The following NHS variants were observed in gnomAD, a reference collection of about 807,000 sequenced individuals.
NHS encodes NHS actin remodeling regulator.
Under a neutral mutation model 72.5 loss-of-function variants are expected in NHS, and 5 were observed. The observed-to-expected ratio is 0.07, with a 90% CI of 0.04 to 0.14. The LOEUF is 0.14. Among genes scored for constraint, NHS ranks in the 10% least tolerant of loss-of-function variants. The probability of loss-of-function intolerance (pLI) is 1.00; values close to 1 mark genes in which losing one functional copy is unlikely to be tolerated. For missense variants in NHS, 1,072 were observed against 1,355.7 expected (o/e 0.79, Z 3.29); for synonymous variants, 464 against 547.7 (o/e 0.85, Z 2.13).
chrX:17,387,339 C>T (rs776488042), intron 1 of NHS, among the ~76,000 whole-genome samples: 3 of 112,048 alleles, frequency 2.7e-5, no homozygotes, highest in African/African-American at 9.7e-5. Flanking sequence ...AAACTGGACT[C>T]AATTCCAGCA....
chrX:17,439,571 G>C (rs746109900), intron 1 of NHS, among the ~76,000 whole-genome samples: 1 of 111,863 alleles, frequency 8.9e-6, no homozygotes, highest in African/African-American at 3.3e-5. Flanking sequence ...TTTGCTCAAC[G>C]TTATGTATGG....
chrX:17,442,214 A>G (rs1299164109), intron 1 of NHS, among the ~76,000 whole-genome samples: 2 of 112,645 alleles, frequency 1.8e-5, no homozygotes, highest in East Asian at 5.6e-4. Flanking sequence ...GGTGTAGCAC[A>G]GTAATATTTG....
rs1212979444 is a variant in NHS, at chrX:17,575,489, G to A, written c.566-112253G>A. ...ATTTTTCCCATCACTTCATCCTCCA[G>A]AACTCTGCTTAATGTTACCTCCTCA... On this transcript the variant is annotated intron_variant, in intron 1 of 8. Transcript: ENST00000676302. Among the ~76,000 whole-genome samples, 6 of 112,128 alleles carry A rather than the reference G, an allele frequency of 5.4e-5. 1 individual carries two copies. The highest frequency in any genetic ancestry group is 4.7e-4 in the Admixed American group (5 of 10,617).
intron 1 of NHS, among the ~76,000 whole-genome samples, chrX:17,478,199 G>A (rs2064929789): frequency 9.0e-6 from 1 of 111,365 alleles, no homozygotes; most frequent in Non-Finnish European, 1.9e-5. Context: ...TTCTCCTTGA[G>A]AACAAACACC....
At position 17,728,753 on chromosome X, in the gene NHS, G is replaced by A; in HGVS notation, c.4327G>A (p.Asp1443Asn). ...TCCAAACAAACCTCGAACAACTGAG[G>A]ATTTATTTGCAGTCATTCACAGGTG... ...VSPNKPRTTE[D>N]LFAVIHRSKR... Residue 1443 changes from aspartate (D) to asparagine (N), a missense_variant, in exon 8 of 9, where the codon GAT becomes AAT. Coordinates refer to ENST00000676302, the MANE Select transcript of NHS (RefSeq NM_001291867.2). 1 of 1,211,564 alleles carries A rather than the reference G, an allele frequency of 8.3e-7. No individual in the cohort carries two copies. Among genetic ancestry groups the A allele is most frequent in the Non-Finnish European group, 1.1e-6 (1 of 895,433 alleles).
At chrX:17,461,059 A>C (rs1217807866) in intron 1 of NHS, among the ~76,000 whole-genome samples, 2 of 112,191 alleles carry the variant, frequency 1.8e-5, no homozygotes, top group Non-Finnish European at 3.8e-5. Context: ...TTGTGCGTGG[A>C]ACTTTGCTAG....
At chrX:17,647,234 G>A (rs1014775706) in intron 1 of NHS, among the ~76,000 whole-genome samples, 1 of 112,376 alleles carries the variant, frequency 8.9e-6, no homozygotes, top group East Asian at 2.8e-4. Flanking sequence ...CAAAAGAAAC[G>A]GCTTTTGTAG....
chrX:17,723,021 T>C (rs1021247156), intron 5 of NHS, among the ~76,000 whole-genome samples: 5 of 112,015 alleles, frequency 4.5e-5, no homozygotes, highest in African/African-American at 1.6e-4. Flanking sequence ...TAACACAAAA[T>C]GTCTGCGTCT....
chrX:17,635,623 C>A (rs754771139), intron 1 of NHS: 82 of 1,161,238 alleles, frequency 7.1e-5, no homozygotes, highest in Non-Finnish European at 9.1e-5. Context: ...TGCAGCATTT[C>A]TTGGCAAGAC....
intron 2 of NHS, among the ~76,000 whole-genome samples, chrX:17,690,109 C>T (rs775878825): frequency 9.0e-6 from 1 of 111,606 alleles, no homozygotes; most frequent in African/African-American, 3.3e-5. Context: ...GCGGTTGGCT[C>T]AATAGCATAT....
intron 1 of NHS, among the ~76,000 whole-genome samples, chrX:17,457,612 T>C (rs968180519): frequency 1.3e-4 from 15 of 111,387 alleles, no homozygotes; most frequent in African/African-American, 4.9e-4. Context: ...AGGAAACAAA[T>C]ATCCAAACCA....
intron 1 of NHS, among the ~76,000 whole-genome samples, chrX:17,527,016 A>G (rs980310445): frequency 1.4e-4 from 16 of 112,342 alleles, no homozygotes; most frequent in African/African-American, 4.9e-4. Flanking sequence ...CCCAGCAAAA[A>G]TAGTCTGGAG....
At position 17,726,809 on chromosome X, in the gene NHS, G is replaced by A; in HGVS notation, c.2703G>A (p.Met901Ile). 2 of 1,211,716 alleles carry A rather than the reference G, an allele frequency of 1.7e-6. No individual in the cohort carries two copies. Among genetic ancestry groups the A allele is most frequent in the Non-Finnish European group, 2.2e-6 (2 of 895,529 alleles). Residue 901 changes from methionine (M) to isoleucine (I), a missense_variant, in exon 7 of 9, where the codon ATG becomes ATA. Transcript: ENST00000676302. The stretch of plus-strand genomic sequence containing the variant: ...ATTTCGCCAACACGCCTTCTCGAAT[G>A]GAAAACGCCAATCTTCCCACCAAGC... ...PLDFANTPSR[M>I]ENANLPTKQE...
chrX:17,632,563 C>T (rs1213885898), intron 1 of NHS, among the ~76,000 whole-genome samples: 2 of 107,286 alleles, frequency 1.9e-5, no homozygotes, highest in South Asian at 8.4e-4. Flanking sequence ...TGCCAGGCAC[C>T]GTTCTAGGCA....
chrX:17,509,156 G>A (rs1162293252), intron 1 of NHS, among the ~76,000 whole-genome samples: 1 of 111,769 alleles, frequency 8.9e-6, no homozygotes, highest in Non-Finnish European at 1.9e-5. Flanking sequence ...AAATGGTGGT[G>A]TTGGGAGGCA....
At chrX:17,429,224 ATGTGTGTGTG>A (rs10616889) in intron 1 of NHS, among the ~76,000 whole-genome samples, 9 of 96,837 alleles carry the variant, frequency 9.3e-5, no homozygotes, top group Middle Eastern at 5.0e-3. Context: ...GTACTGGGGG[ATGTGTGTGTG>A]TGTGTGTGTG....
intron 1 of NHS, among the ~76,000 whole-genome samples, chrX:17,537,675 C>G (rs953398510): frequency 8.9e-6 from 1 of 112,102 alleles, no homozygotes; most frequent in African/African-American, 3.2e-5. Flanking sequence ...TGACAGGAGA[C>G]TATGTTGCAT....
chrX:17,539,797 T>C (rs2065253763), intron 1 of NHS, among the ~76,000 whole-genome samples: 1 of 111,903 alleles, frequency 8.9e-6, no homozygotes, highest in East Asian at 2.8e-4. Context: ...CACTCCTCAG[T>C]GCTCTTTAAT....
intron 1 of NHS, among the ~76,000 whole-genome samples, chrX:17,672,659 A>C (rs1484556075): frequency 8.9e-6 from 1 of 112,318 alleles, no homozygotes; most frequent in Non-Finnish European, 1.9e-5. Flanking sequence ...CCTGGTCAGT[A>C]GGTCGCCATT....
Sources: allele counts gnomAD v4.1 joint callset (sites outside exome capture counted in the v4.1 genomes callset), GRCh38; gene constraint gnomAD v4.1.1; transcripts MANE v1.5; gene names NCBI Gene and HGNC (gene_info 2026-07-23, HGNC 2026-07-21).